The following FSHR variants were observed in gnomAD, a reference collection of about 807,000 sequenced individuals.
The protein encoded by FSHR is follicle stimulating hormone receptor.
In FSHR, 46 loss-of-function variants were observed where a neutral mutation model predicts 52.1. The observed-to-expected ratio is 0.88, with a 90% CI of 0.70 to 1.13. The LOEUF (loss-of-function observed/expected upper bound fraction) is 1.13. Among genes scored for constraint, FSHR ranks in the 50% most tolerant of loss-of-function variants. The probability of loss-of-function intolerance (pLI) is 0.00; values close to 1 mark genes in which losing one functional copy is unlikely to be tolerated. For missense variants in FSHR, 964 were observed against 834.6 expected, an observed-to-expected ratio of 1.16 and a Z score of -1.91; for synonymous variants, 399 against 309.6, an observed-to-expected ratio of 1.29 and a Z score of -3.03.
chr2:49,021,988 TGA>T (rs1667742073), intron 2 of FSHR, among the ~76,000 whole-genome samples: 1 of 148,828 alleles, frequency 6.7e-6, no homozygotes, highest in East Asian at 2.1e-4. Context: ...CAGGGAGTTC[TGA>T]GAGGTACAGA....
chr2:48,979,183 G>A (rs1234574577), intron 8 of FSHR, among the ~76,000 whole-genome samples: 6 of 152,056 alleles, frequency 3.9e-5, no homozygotes, highest in Admixed American at 1.3e-4. Flanking sequence ...TATGACTCAC[G>A]CCTGTAATTC....
intron 1 of FSHR, among the ~76,000 whole-genome samples, chr2:49,087,312 T>C (rs1670437776): frequency 6.6e-6 from 1 of 151,802 alleles, no homozygotes. Context: ...GTAGTGTATA[T>C]AACAGTAAAG....
intron 3 of FSHR, 83 bp from the exon 4 acceptor site, chr2:49,017,646 A>G (rs1218970440): frequency 1.0e-6 from 1 of 986,348 alleles, no homozygotes; most frequent in African/African-American, 1.6e-5. Context: ...AGTACATAAT[A>G]AATCATTCAT....
chr2:49,049,321 A>G (rs1668771023), intron 2 of FSHR, among the ~76,000 whole-genome samples: 1 of 152,176 alleles, frequency 6.6e-6, no homozygotes, highest in South Asian at 2.1e-4. Context: ...CAGAAGTTGT[A>G]AAAGATAGAT....
intron 2 of FSHR, among the ~76,000 whole-genome samples, chr2:49,020,611 T>A (rs1466666544): frequency 6.6e-6 from 1 of 152,122 alleles, no homozygotes; most frequent in African/African-American, 2.4e-5. Context: ...AGCCCAAATG[T>A]AACCAAAGGT....
rs533909115 is a variant in FSHR at position 49,069,304 on chromosome 2, C to G, written c.153-1014G>C. Among the ~76,000 whole-genome samples the G allele has an allele frequency of 3.9e-5, 6 of 152,242 alleles. No homozygotes were observed. In the East Asian group the frequency reaches 1.2e-3, roughly 29 times the overall value. ...GCTTAATGTTTCCACATTTGCGGTT[C>G]TCTCTGTTTGGAACATTTCTCTCTC... On this transcript the variant is annotated intron_variant, in intron 1 of 9. Transcript: ENST00000406846.
chr2:49,089,501 T>C (rs956424513), intron 1 of FSHR, among the ~76,000 whole-genome samples: 2 of 152,134 alleles, frequency 1.3e-5, no homozygotes, highest in Non-Finnish European at 2.9e-5. Flanking sequence ...ATAAATAGCA[T>C]TGGCCAACAG....
At chr2:49,120,256 G>A (rs191668193) in intron 1 of FSHR, among the ~76,000 whole-genome samples, 1 of 152,148 alleles carries the variant, frequency 6.6e-6, no homozygotes, top group East Asian at 1.9e-4. Context: ...GGGCAAGAGA[G>A]TGAGACTCCA....
intron 1 of FSHR, among the ~76,000 whole-genome samples, chr2:49,115,034 A>G (rs550793742): frequency 6.6e-6 from 1 of 151,360 alleles, no homozygotes; most frequent in Admixed American, 6.6e-5. Flanking sequence ...ACATGATCCA[A>G]TGAAAGCCCA....
intron 6 of FSHR, among the ~76,000 whole-genome samples, chr2:48,988,272 C>A (rs1336190243): frequency 1.3e-5 from 2 of 152,044 alleles, no homozygotes; most frequent in African/African-American, 2.4e-5. Context: ...AGATAAAATG[C>A]TTTTCATATC....
intron 1 of FSHR, among the ~76,000 whole-genome samples, chr2:49,125,368 G>T (rs912540984): frequency 6.6e-6 from 1 of 152,164 alleles, no homozygotes; most frequent in African/African-American, 2.4e-5. Flanking sequence ...AAGTTTACAA[G>T]TTTGTGTTGG....
intron 2 of FSHR, among the ~76,000 whole-genome samples, chr2:49,043,283 G>A (rs1300183332): frequency 6.6e-6 from 1 of 150,990 alleles, no homozygotes; most frequent in Non-Finnish European, 1.5e-5. Context: ...TCTGACTGGG[G>A]TGGGCAGGGT....
At chr2:49,043,180 T>A (rs767619016) in intron 2 of FSHR, among the ~76,000 whole-genome samples, 2 of 151,988 alleles carry the variant, frequency 1.3e-5, no homozygotes, top group Non-Finnish European at 2.9e-5. Context: ...AATTTTACTG[T>A]ATCCTCTTCA....
chr2:49,010,804 G>C (rs1184538499), intron 4 of FSHR, among the ~76,000 whole-genome samples: 2 of 152,278 alleles, frequency 1.3e-5, no homozygotes, highest in East Asian at 1.9e-4. Flanking sequence ...AGATTTTCTA[G>C]TTTATTTGCG....
chr2:49,100,668 C>A (rs1670993614), intron 1 of FSHR, among the ~76,000 whole-genome samples: 2 of 152,198 alleles, frequency 1.3e-5, no homozygotes, highest in Non-Finnish European at 2.9e-5. Context: ...GATCCCAGAT[C>A]CCTGATCAGA....
At chr2:49,129,388 C>G (rs956778048) in intron 1 of FSHR, among the ~76,000 whole-genome samples, 1 of 152,172 alleles carries the variant, frequency 6.6e-6, no homozygotes, top group Non-Finnish European at 1.5e-5. Flanking sequence ...GTGCTCAGAA[C>G]TCTATGGAAT....
intron 4 of FSHR, among the ~76,000 whole-genome samples, chr2:49,011,422 A>T (rs930428987): frequency 6.6e-6 from 1 of 151,970 alleles, no homozygotes; most frequent in South Asian, 2.1e-4. Context: ...GTTCTTTTAC[A>T]TTTGTTGAGG....
In FSHR at chr2:49,127,876, TCTTCTTCTTC is replaced by T. The variant is rs1672111711; in HGVS notation, c.152+26380_152+26389del. Among the ~76,000 whole-genome samples, 7 of 48,988 alleles carry T rather than the reference TCTTCTTCTTC, an allele frequency of 1.4e-4. 1 individual carries two copies. The highest frequency in any genetic ancestry group is 8.8e-4 in the East Asian group (1 of 1,140). 32.1% of individuals were successfully genotyped at this position (48,988 alleles called of 152,430 possible). A position where few individuals can be genotyped will look rare whatever the true frequency, so the allele number is the denominator to read the frequency against. On this transcript the variant is annotated intron_variant, in intron 1 of 9. Coordinates refer to ENST00000406846, the MANE Select transcript of FSHR (RefSeq NM_000145.4). ...TTCTTCTTCTTCTTCTTCTTCTTCT[TCTTCTTCTTC>T]TTCTTCTTCTTCTTTTTTTTTTTTG...
chr2:49,101,121 C>T (rs1671011485), intron 1 of FSHR, among the ~76,000 whole-genome samples: 2 of 152,136 alleles, frequency 1.3e-5, no homozygotes, highest in South Asian at 2.1e-4. Flanking sequence ...CATTTGATTG[C>T]ACTGTATTGA....
Sources: allele counts gnomAD v4.1 joint callset (sites outside exome capture counted in the v4.1 genomes callset), GRCh38; gene constraint gnomAD v4.1.1; transcripts MANE v1.5; gene names NCBI Gene and HGNC (gene_info 2026-07-23, HGNC 2026-07-21).